USP31: variants seen among roughly 807,000 people sequenced by gnomAD.
USP31 encodes ubiquitin carboxyl-terminal hydrolase 31.
USP31 carries 44 observed loss-of-function variants against 119.4 expected under a neutral mutation model. The observed-to-expected ratio is 0.37, with a 90% confidence interval of 0.29 to 0.47. The LOEUF (loss-of-function observed/expected upper bound fraction) is 0.47. USP31 is among the 20% of genes least tolerant of loss of function. The pLI, the probability that USP31 is intolerant of heterozygous loss-of-function variation, is 0.99. For synonymous variants in USP31, 749 were observed against 705.6 expected (o/e 1.06, Z -0.97); for missense variants, 1,643 against 1,730.2 (o/e 0.95, Z 0.89).
chr16:23,149,266 G>A lies in USP31; in HGVS notation c.5C>T (p.Ser2Phe). Residue 2 changes from serine (S) to phenylalanine (F), a missense_variant, in exon 1 of 16, where the codon TCC becomes TTC. Coordinates refer to ENST00000219689, the MANE Select transcript of USP31 (RefSeq NM_020718.4). Reference protein sequence around the residue: MSKVTAPGSGPP... With the variant: MFKVTAPGSGPP... ...CCCGGACCCAGGCGCCGTTACCTTG[G>A]ACATGGCGGCGGCCGCAGACACTCA... 2 of 1,089,408 alleles carry A rather than the reference G, an allele frequency of 1.8e-6. No individual in the cohort carries two copies. The highest frequency in any genetic ancestry group is 2.2e-6 in the Non-Finnish European group (2 of 897,748). 67.5% of individuals were successfully genotyped at this position (1,089,408 alleles called of 1,614,324 possible). A position where few individuals can be genotyped will look rare whatever the true frequency, so the allele number is the denominator to read the frequency against.
At chr16:23,107,955 A>G (rs560312313) in intron 2 of USP31, 91 bp downstream of exon 2, 1 of 1,424,702 alleles carries the variant, frequency 7.0e-7, no homozygotes, top group South Asian at 1.6e-5. Context: ...AGTCAATTTC[A>G]TTGTATTAAC....
At chr16:23,113,492 AC>A (rs1209000024) in intron 1 of USP31, among the ~76,000 whole-genome samples, 2 of 152,150 alleles carry the variant, frequency 1.3e-5, no homozygotes, top group Non-Finnish European at 2.9e-5. Flanking sequence ...GGACAGACAA[AC>A]CTCCATGGAG....
At position 23,067,018 on chromosome 16, in the gene USP31, C is replaced by G. The variant is rs559345403; in HGVS notation, c.*1028G>C. ...GAAGGCAACTTCTTTCCTCTCCAAGCTACAAGATGAGGGAACATGAGCCCA... is the reference window on the plus strand; with the variant it reads ...GAAGGCAACTTCTTTCCTCTCCAAGGTACAAGATGAGGGAACATGAGCCCA... On this transcript the variant is annotated 3_prime_UTR_variant, in exon 16 of 16. Coordinates refer to ENST00000219689, the MANE Select transcript of USP31 (RefSeq NM_020718.4). 2.0e-5 allele frequency: 3 copies of G among 152,212 alleles called. No homozygotes were observed. In the East Asian group the frequency reaches 5.8e-4, roughly 29 times the overall value. The allele number at this position is 152,212 out of a possible 1,614,324, so 9.4% of individuals were successfully genotyped here. A position where few individuals can be genotyped will look rare whatever the true frequency, so the allele number is the denominator to read the frequency against.
rs1419254964 is a variant in USP31 at position 23,148,623 on chromosome 16, G to A, written c.633+15C>T. The A allele has an allele frequency of 2.1e-6, 3 of 1,456,654 alleles. No homozygotes were observed. The highest frequency in any genetic ancestry group is 2.7e-6 in the Non-Finnish European group (3 of 1,112,220). 90.2% of individuals were successfully genotyped at this position (1,456,654 alleles called of 1,614,324 possible). The stretch of plus-strand genomic sequence containing the variant: ...GCTCGGGGTGCAGTGGGGGCGCGGC[G>A]GCGCGCGGGCTCACCTTGAAGTCGC... On this transcript the variant is annotated intron_variant, in intron 1 of 15. Transcript: ENST00000219689.
intron 6 of USP31, among the ~76,000 whole-genome samples, chr16:23,100,394 T>G (rs1901797900): frequency 6.6e-6 from 1 of 152,208 alleles, no homozygotes; most frequent in Non-Finnish European, 1.5e-5. Flanking sequence ...AACATCACAC[T>G]AAGTAAAGCC....
intron 6 of USP31, among the ~76,000 whole-genome samples, chr16:23,093,288 G>A (rs1901450761): frequency 1.3e-5 from 2 of 152,154 alleles, no homozygotes; most frequent in African/African-American, 4.8e-5. Flanking sequence ...TAAGGGTCTA[G>A]TATTATACAT....
intron 1 of USP31, among the ~76,000 whole-genome samples, chr16:23,147,563 C>CT (rs751530696): frequency 1.3e-5 from 2 of 152,166 alleles, no homozygotes; most frequent in Non-Finnish European, 2.9e-5. Context: ...CACCACTCGG[C>CT]TCTCAAATCT....
intron 1 of USP31, among the ~76,000 whole-genome samples, chr16:23,121,488 G>A (rs1251403481): frequency 1.3e-5 from 2 of 152,196 alleles, no homozygotes; most frequent in Non-Finnish European, 2.9e-5. Flanking sequence ...ACCAATTCTA[G>A]TCAGTTCAGG....
At chr16:23,118,838 T>C (rs1405737117) in intron 1 of USP31, among the ~76,000 whole-genome samples, 1 of 151,988 alleles carries the variant, frequency 6.6e-6, no homozygotes, top group Non-Finnish European at 1.5e-5. Flanking sequence ...CTGGGTGCAG[T>C]GGCTCATGCC....
chr16:23,107,205 C>T (rs1902145144), intron 2 of USP31, among the ~76,000 whole-genome samples: 1 of 152,130 alleles, frequency 6.6e-6, no homozygotes, highest in Non-Finnish European at 1.5e-5. Context: ...TCACACTCTA[C>T]TTCATGTTGT....
chr16:23,066,734 T>C lies in USP31; in HGVS notation c.*1312A>G, dbSNP rs1489103222. ...CCTTGAAAAAGCTTGCAAAACTATA[T>C]ACTTTGCTTATCTGTGAGGTTTTTT... On this transcript the variant is annotated 3_prime_UTR_variant, in exon 16 of 16. Coordinates refer to ENST00000219689, the MANE Select transcript of USP31 (RefSeq NM_020718.4). 2.0e-5 allele frequency: 3 copies of C among 152,250 alleles called. No individual in the cohort carries two copies. Among genetic ancestry groups the C allele is most frequent in the South Asian group, 2.1e-4 (1 of 4,824 alleles). 9.4% of individuals were successfully genotyped at this position (152,250 alleles called of 1,614,324 possible).
In USP31 at chr16:23,090,679, C is replaced by G. The variant is rs370063502; in HGVS notation, c.1360G>C (p.Asp454His). ...MDSPTSRAGS[D>H]KIVLLVCNRA... Reference sequence around the variant, plus strand: ...TTACACACCAACAGGACAATCTTGTCGCTGCCTGCTCTTGATGTGGGAGAA... The same window carrying G: ...TTACACACCAACAGGACAATCTTGTGGCTGCCTGCTCTTGATGTGGGAGAA... Residue 454 changes from aspartate (D) to histidine (H), a missense_variant, in exon 7 of 16, where the codon GAC (aspartate) becomes CAC (histidine). Transcript: ENST00000219689. 1 of 1,614,038 alleles carries G rather than the reference C, an allele frequency of 6.2e-7. No homozygotes were observed. Among genetic ancestry groups the G allele is most frequent in the South Asian group, 1.1e-5 (1 of 91,076 alleles).
At chr16:23,108,308 G>A (rs180745090) in intron 1 of USP31, 125 bp from the exon 2 acceptor site, 1 of 1,332,288 alleles carries the variant, frequency 7.5e-7, no homozygotes, top group African/African-American at 1.5e-5. Flanking sequence ...CCCAGAAGGA[G>A]TGCAAAGTAA....
At chr16:23,141,471 T>G (rs1163084337) in intron 1 of USP31, among the ~76,000 whole-genome samples, 1 of 152,020 alleles carries the variant, frequency 6.6e-6, no homozygotes, top group Non-Finnish European at 1.5e-5. Context: ...CTTGACCTCT[T>G]GGCTCAGGTG....
intron 1 of USP31, among the ~76,000 whole-genome samples, chr16:23,138,957 G>A (rs935257521): frequency 1.3e-5 from 2 of 152,130 alleles, no homozygotes; most frequent in Admixed American, 1.3e-4. Flanking sequence ...TGAATTCCTT[G>A]AGGGCATGGG....
At chr16:23,137,412 T>C (rs758447035) in intron 1 of USP31, among the ~76,000 whole-genome samples, 2 of 152,118 alleles carry the variant, frequency 1.3e-5, no homozygotes, top group Non-Finnish European at 2.9e-5. Flanking sequence ...CATAGAATTA[T>C]ATGATCTGAA....
At chr16:23,143,288 T>C (rs969099518) in intron 1 of USP31, among the ~76,000 whole-genome samples, 3 of 152,236 alleles carry the variant, frequency 2.0e-5, no homozygotes, top group Non-Finnish European at 4.4e-5. Context: ...CCATAAAATT[T>C]ATCTTTCTTG....
intron 6 of USP31, among the ~76,000 whole-genome samples, chr16:23,098,422 C>T (rs541342772): frequency 7.2e-5 from 11 of 152,064 alleles, no homozygotes; most frequent in Non-Finnish European, 1.5e-4. Context: ...AGTTTCAATG[C>T]CATTCCCATC....
chr16:23,082,387 TAAG>T, intron 12 of USP31, 48 bp downstream of exon 12: 1 of 1,607,888 alleles, frequency 6.2e-7, no homozygotes. Flanking sequence ...GCAGGGGGCA[TAAG>T]AAACTTGTCA....
Sources: allele counts gnomAD v4.1 joint callset (sites outside exome capture counted in the v4.1 genomes callset), GRCh38; gene constraint gnomAD v4.1.1; transcripts MANE v1.5; gene names NCBI Gene and HGNC (gene_info 2026-07-23, HGNC 2026-07-21).